The following ELP4 variants were observed in gnomAD, a reference collection of about 807,000 sequenced individuals.
ELP4 encodes the protein elongator acetyltransferase complex subunit 4, also known as elongator complex protein 4.
Under a neutral mutation model 48.9 loss-of-function variants are expected in ELP4, and 51 were observed. That is an observed-to-expected ratio of 1.04 (90% CI 0.83 to 1.32). The LOEUF (loss-of-function observed/expected upper bound fraction) is 1.32, where lower values mean the gene tolerates loss of function less well. ELP4 is among the 40% of genes most tolerant of loss of function. The pLI is 0.00. For synonymous variants in ELP4, 210 were observed against 189.2 expected (o/e 1.11, Z -0.90); for missense variants, 519 against 514.6 (o/e 1.01, Z -0.08).
intron 9 of ELP4, among the ~76,000 whole-genome samples, chr11:31,659,956 C>T (rs1382856193): frequency 6.6e-6 from 1 of 152,126 alleles, no homozygotes; most frequent in African/African-American, 2.4e-5. Context: ...CATGCCATTG[C>T]ACTCCAGCCT....
chr11:31,581,510 G>A lies in ELP4; in HGVS notation c.382-13260G>A, dbSNP rs560230626. ...TGTCTCAGAGCAGTCCATTGTTGCT[G>A]TTATAAAGTTTGATGCCATTCATGT... is the stretch of plus-strand genomic sequence containing the variant. On this transcript the variant is annotated intron_variant, in intron 3 of 9. Coordinates refer to ENST00000640961, the MANE Select transcript of ELP4 (RefSeq NM_019040.5). Among the ~76,000 whole-genome samples, 10 of 152,240 alleles carry A rather than the reference G, an allele frequency of 6.6e-5. No homozygotes were observed. The East Asian group carries it at 9.7e-4, about 15-fold the overall frequency.
rs1948753041 is a variant in ELP4 at position 31,787,593 on chromosome 11, G to A, written c.*4069G>A. On this transcript the variant is annotated 3_prime_UTR_variant, in exon 10 of 10. Coordinates refer to ENST00000640961, the MANE Select transcript of ELP4 (RefSeq NM_019040.5). ...AAAATGTCAGGAGGTAGAAATGTCTGCACCGGCAATTGTACCAACAGTGCG... is the reference window on the plus strand; with the variant it reads ...AAAATGTCAGGAGGTAGAAATGTCTACACCGGCAATTGTACCAACAGTGCG... 8.6e-6 allele frequency: 2 copies of A among 232,566 alleles called. No homozygotes were observed. Among genetic ancestry groups the A allele is most frequent in the Non-Finnish European group, 1.7e-5 (2 of 117,596 alleles). 14.4% of individuals were successfully genotyped at this position (232,566 alleles called of 1,614,324 possible). A position where few individuals can be genotyped will look rare whatever the true frequency, so the allele number is the denominator to read the frequency against.
chr11:31,618,337 C>A (rs1043813530), intron 5 of ELP4, among the ~76,000 whole-genome samples: 1 of 152,080 alleles, frequency 6.6e-6, no homozygotes, highest in African/African-American at 2.4e-5. Context: ...GGTCAAGTTG[C>A]CAGCATGTTT....
At chr11:31,571,818 A>G (rs1419633548) in intron 3 of ELP4, among the ~76,000 whole-genome samples, 2 of 152,242 alleles carry the variant, frequency 1.3e-5, no homozygotes, top group Non-Finnish European at 2.9e-5. Context: ...GTTTTTTCTG[A>G]GCAGTAGGTT....
intron 9 of ELP4, among the ~76,000 whole-genome samples, chr11:31,668,349 ATT>A (rs1945723470): frequency 1.3e-5 from 2 of 152,170 alleles, no homozygotes; most frequent in South Asian, 4.1e-4. Context: ...AGGCAAAATT[ATT>A]ATATTCCTCA....
At chr11:31,778,355 A>G (rs1216422290) in intron 9 of ELP4, among the ~76,000 whole-genome samples, 1 of 152,214 alleles carries the variant, frequency 6.6e-6, no homozygotes, top group Non-Finnish European at 1.5e-5. Flanking sequence ...GCCGCAGTAG[A>G]GAGTAATTAT....
intron 3 of ELP4, among the ~76,000 whole-genome samples, chr11:31,567,752 A>T (rs965527412): frequency 6.6e-6 from 1 of 152,224 alleles, no homozygotes; most frequent in African/African-American, 2.4e-5. Flanking sequence ...ATACTATACC[A>T]TAGTCTACTA....
chr11:31,549,756 G>A (rs191293032), intron 3 of ELP4, among the ~76,000 whole-genome samples: 1 of 152,172 alleles, frequency 6.6e-6, no homozygotes, highest in Non-Finnish European at 1.5e-5. Context: ...AACAATTATA[G>A]ACTGGATTAA....
chr11:31,776,030 G>A (rs139952599), intron 9 of ELP4, among the ~76,000 whole-genome samples: 71 of 151,766 alleles, frequency 4.7e-4, no homozygotes, highest in African/African-American at 1.5e-3. Context: ...ATGCATCTGC[G>A]GTCCCAGTTG....
intron 9 of ELP4, among the ~76,000 whole-genome samples, chr11:31,665,423 T>TA (rs1945650934): frequency 6.6e-6 from 1 of 152,132 alleles, no homozygotes; most frequent in African/African-American, 2.4e-5. Flanking sequence ...TTAACACAAA[T>TA]ATGTTTGGTA....
Position 31,643,641 on chromosome 11 carries a change from A to G in ELP4, c.928-4100A>G, listed in dbSNP as rs1439831711. Among the ~76,000 whole-genome samples the G allele has an allele frequency of 2.6e-5, 4 of 151,982 alleles. No homozygotes were observed. The East Asian group carries it at 7.8e-4, about 30-fold the overall frequency. ...GCAGTGATTAAATTTTTATCTCTTA[A>G]CAAAATTCATAGTTTTGACTTTAAG... On this transcript the variant is annotated intron_variant, in intron 7 of 9. Transcript: ENST00000640961.
intron 2 of ELP4, among the ~76,000 whole-genome samples, chr11:31,530,293 G>T (rs1209925445): frequency 6.6e-6 from 1 of 152,154 alleles, no homozygotes; most frequent in African/African-American, 2.4e-5. Context: ...GATTTGGCTT[G>T]CATAGCTGAA....
intron 2 of ELP4, among the ~76,000 whole-genome samples, chr11:31,528,353 T>C (rs1216258827): frequency 6.6e-6 from 1 of 152,102 alleles, no homozygotes; most frequent in Non-Finnish European, 1.5e-5. Flanking sequence ...TTAAGAAATA[T>C]TATGATGGAT....
chr11:31,569,254 G>A (rs1957158643), intron 3 of ELP4, among the ~76,000 whole-genome samples: 2 of 152,004 alleles, frequency 1.3e-5, no homozygotes, highest in Admixed American at 1.3e-4. Flanking sequence ...TTGACAAGTG[G>A]GACCTAATTA....
At chr11:31,548,988 A>C (rs1956787091) in intron 3 of ELP4, among the ~76,000 whole-genome samples, 1 of 152,176 alleles carries the variant, frequency 6.6e-6, no homozygotes, top group African/African-American at 2.4e-5. Context: ...AATCAATTCA[A>C]GATGGATTAA....
chr11:31,550,659 A>AT (rs1337122780), intron 3 of ELP4, among the ~76,000 whole-genome samples: 2 of 152,178 alleles, frequency 1.3e-5, no homozygotes, highest in African/African-American at 4.8e-5. Flanking sequence ...GCACATAATG[A>AT]TTTTCCATCG....
At position 31,786,021 on chromosome 11, in the gene ELP4, A is replaced by C. The variant is rs1204128501; in HGVS notation, c.*2497A>C. 9.8e-6 allele frequency: 2 copies of C among 203,216 alleles called. No homozygotes were observed. Among genetic ancestry groups the C allele is most frequent in the Admixed American group, 1.2e-4 (2 of 16,754 alleles). 12.6% of individuals were successfully genotyped at this position (203,216 alleles called of 1,614,324 possible). A position where few individuals can be genotyped will look rare whatever the true frequency, so the allele number is the denominator to read the frequency against. On this transcript the variant is annotated 3_prime_UTR_variant, in exon 10 of 10. Transcript: ENST00000640961. ...TGCCTTTCTTTAACATGAGATAAATATTTTGACTACTGCAGTTTGCTCAGG... is the reference window on the plus strand; with the variant it reads ...TGCCTTTCTTTAACATGAGATAAATCTTTTGACTACTGCAGTTTGCTCAGG...
intron 9 of ELP4, among the ~76,000 whole-genome samples, chr11:31,772,516 G>C (rs1948167867): frequency 6.6e-6 from 1 of 152,172 alleles, no homozygotes; most frequent in African/African-American, 2.4e-5. Flanking sequence ...AATCTTTGGA[G>C]TTCTCTGAAA....
chr11:31,639,667 T>C (rs1240938483), intron 7 of ELP4, among the ~76,000 whole-genome samples: 1 of 151,960 alleles, frequency 6.6e-6, no homozygotes, highest in Non-Finnish European at 1.5e-5. Flanking sequence ...TGTGTAAATA[T>C]GCATATTGAA....
Sources: allele counts gnomAD v4.1 joint callset (sites outside exome capture counted in the v4.1 genomes callset), GRCh38; gene constraint gnomAD v4.1.1; transcripts MANE v1.5; gene names NCBI Gene and HGNC (gene_info 2026-07-23, HGNC 2026-07-21).